Variants in GDF10 observed in about 807,000 individuals in gnomAD.
GDF10 encodes growth/differentiation factor 10.
A neutral mutation model predicts 32.1 loss-of-function variants in GDF10; 23 were observed. The ratio of observed to expected loss-of-function variants is 0.72; its 90% confidence interval spans 0.52 to 1.02. The LOEUF is 1.02. Ranked by LOEUF, GDF10 falls within the 50% of genes least tolerant of loss-of-function variation. The pLI, the probability that GDF10 is intolerant of heterozygous loss-of-function variation, is 0.00. For missense variants in GDF10, 764 were observed against 673.9 expected, an observed-to-expected ratio of 1.13 and a Z score of -1.48; for synonymous variants, 328 against 303.1, an observed-to-expected ratio of 1.08 and a Z score of -0.85.
intron 1 of GDF10, among the ~76,000 whole-genome samples, chr10:47,303,667 C>T (rs555933863): frequency 4.6e-5 from 7 of 152,252 alleles, no homozygotes; most frequent in East Asian, 1.9e-4. Flanking sequence ...AAATCTGCAT[C>T]GGTGGGGAAA....
Position 47,300,894 on chromosome 10 carries a change from G to C in GDF10, c.243G>C (p.Arg81Ser). The C allele has an allele frequency of 2.5e-6, 4 of 1,583,596 alleles. No homozygotes were observed. The highest frequency in any genetic ancestry group is 3.4e-6 in the Non-Finnish European group (4 of 1,173,358). The change falls in exon 1 of 3, where the codon AGG (arginine) becomes AGC (serine). Residue 81 changes from arginine (R) to serine (S), a missense_variant. By Grantham distance (110) the Arg-to-Ser change is moderately radical. Transcript: ENST00000580279. ...ACATGGTCGCTGTCCACATGCACAG[G>C]CTCTATGAGAAGTACAGCCGGCAGG... ...AQDMVAVHMH[R>S]LYEKYSRQGA... is the part of the protein sequence containing the mutation.
intron 1 of GDF10, 107 bp downstream of exon 1, chr10:47,301,077 A>G: frequency 1.4e-6 from 1 of 715,750 alleles, no homozygotes; most frequent in South Asian, 2.2e-5. Flanking sequence ...CCAACGGGTG[A>G]GTGGTTCATT....
intron 1 of GDF10, among the ~76,000 whole-genome samples, chr10:47,307,569 T>G (rs1437607735): frequency 6.6e-6 from 1 of 152,182 alleles, no homozygotes; most frequent in Non-Finnish European, 1.5e-5. Flanking sequence ...TGACCCATCT[T>G]GTCCCCAGCA....
chr10:47,303,104 G>A (rs1367337529), intron 1 of GDF10, among the ~76,000 whole-genome samples: 1 of 152,160 alleles, frequency 6.6e-6, no homozygotes, highest in Non-Finnish European at 1.5e-5. Flanking sequence ...CCTCTTGCCT[G>A]CCCTCAGATG....
rs138867103 is a variant in GDF10, at chr10:47,301,945, CTG to C, written c.319+980_319+981del. Among the ~76,000 whole-genome samples the C allele has an allele frequency of 8.1e-3, 1,230 of 152,286 alleles. 38 individuals are homozygous for C. The East Asian group carries it at 0.095, about 12-fold the overall frequency. ...AGCCTGGGGTCAGATCTGTCACTGGCTGTGTGACTCAAGGTAACATCTGTGGC... is the reference window on the plus strand; with the variant it reads ...AGCCTGGGGTCAGATCTGTCACTGGCTGTGACTCAAGGTAACATCTGTGGC... On this transcript the variant is annotated intron_variant, in intron 1 of 2. Transcript: ENST00000580279.
At chr10:47,306,629 A>G (rs1176441133) in intron 1 of GDF10, among the ~76,000 whole-genome samples, 1 of 152,204 alleles carries the variant, frequency 6.6e-6, no homozygotes, top group African/African-American at 2.4e-5. Flanking sequence ...ATACAGCAGG[A>G]TGTCAGGAAG....
chr10:47,304,191 T>G (rs2061014315), intron 1 of GDF10, among the ~76,000 whole-genome samples: 1 of 152,094 alleles, frequency 6.6e-6, no homozygotes, highest in East Asian at 1.9e-4. Context: ...GCCAGGAGTT[T>G]GGTTTTAATG....
In GDF10 at chr10:47,300,870, C is replaced by T; in HGVS notation, c.219C>T (p.Asp73=). 1.9e-6 allele frequency: 3 copies of T among 1,588,204 alleles called. No individual in the cohort carries two copies. The highest frequency in any genetic ancestry group is 2.6e-6 in the Non-Finnish European group (3 of 1,174,996). ...AAATLGPSAQ[D]MVAVHMHRLY... ...CCACGTTGGGCCCCAGCGCCCAGGA[C>T]ATGGTCGCTGTCCACATGCACAGGC... The change falls in exon 1 of 3, where the codon GAC becomes GAT. Residue 73 remains aspartate, a synonymous_variant. Coordinates refer to ENST00000580279, the MANE Select transcript of GDF10 (RefSeq NM_004962.5).
At chr10:47,302,025 C>G (rs1028715486) in intron 1 of GDF10, among the ~76,000 whole-genome samples, 1 of 152,214 alleles carries the variant, frequency 6.6e-6, no homozygotes, top group Non-Finnish European at 1.5e-5. Flanking sequence ...CCCATGCCCT[C>G]CTCCTCCACT....
intron 1 of GDF10, among the ~76,000 whole-genome samples, chr10:47,308,157 C>T (rs187602798): frequency 1.3e-5 from 2 of 152,314 alleles, no homozygotes; most frequent in Admixed American, 1.3e-4. Context: ...CCGCTACCAC[C>T]GGAGTGAGCT....
Position 47,312,693 on chromosome 10 carries a change from T to C in GDF10, c.1338T>C (p.Asp446=), listed in dbSNP as rs1385305873. 2 of 1,610,456 alleles carry C rather than the reference T, an allele frequency of 1.2e-6. No individual in the cohort carries two copies. Among genetic ancestry groups the C allele is most frequent in the East Asian group, 2.2e-5 (1 of 44,724 alleles). The stretch of plus-strand genomic sequence containing the variant: ...TCCCAGAGCCCTGCTGTGTTCCCGA[T>C]AAGATGAACTCCCTTGGGGTCCTCT... The part of the protein sequence containing the change: ...PGIPEPCCVP[D]KMNSLGVLFL... The change falls in exon 3 of 3, where the codon GAT becomes GAC. Residue 446 remains aspartate (D), a synonymous_variant. Transcript: ENST00000580279.
Position 47,303,335 on chromosome 10 carries a change from A to G in GDF10, c.319+2365A>G, listed in dbSNP as rs182965546. Among the ~76,000 whole-genome samples, 376 of 152,206 alleles carry G rather than the reference A, an allele frequency of 2.5e-3. 1 individual carries two copies. The highest frequency in any genetic ancestry group is 4.8e-3 in the Admixed American group (73 of 15,290). On this transcript the variant is annotated intron_variant, in intron 1 of 2. Transcript: ENST00000580279. ...TCCCCACAGCCTGCGATACGTAACT[A>G]TACCTCCCCCGCCACCGGGCAGTGC... is the stretch of plus-strand genomic sequence containing the variant.
intron 1 of GDF10, among the ~76,000 whole-genome samples, chr10:47,301,468 G>T (rs1555206853): frequency 6.7e-6 from 1 of 149,484 alleles, no homozygotes; most frequent in African/African-American, 2.6e-5. Flanking sequence ...GGCTGCCCGG[G>T]ATTGAGGACT....
At chr10:47,309,674 G>C (rs542642140) in intron 1 of GDF10, 122 bp from the exon 2 acceptor site, 248 of 663,490 alleles carry the variant, frequency 3.7e-4, no homozygotes, top group Non-Finnish European at 4.7e-4. Context: ...GAAGCAAAGC[G>C]GGGGAGGAGG....
At chr10:47,309,135 CTCTTT>C (rs2061033517) in intron 1 of GDF10, among the ~76,000 whole-genome samples, 1 of 152,198 alleles carries the variant, frequency 6.6e-6, no homozygotes, top group Non-Finnish European at 1.5e-5. Context: ...CCTGATGCTG[CTCTTT>C]TCTTGTTAAA....
At chr10:47,307,105 T>C (rs2061025816) in intron 1 of GDF10, among the ~76,000 whole-genome samples, 2 of 152,064 alleles carry the variant, frequency 1.3e-5, no homozygotes, top group Non-Finnish European at 2.9e-5. Flanking sequence ...GTCTCCCCTC[T>C]AGGCTGAACT....
rs139837736 is a variant in GDF10, at chr10:47,300,592, G to T, written c.-60G>T. On this transcript the variant is annotated 5_prime_UTR_variant, in exon 1 of 3. Transcript: ENST00000580279. The stretch of plus-strand genomic sequence containing the variant: ...CCGCGAGGTCAGTCCGCAGCCTCCG[G>T]TGCGCCAGCGCTCGCCTTCCTCCTC... 101 of 1,476,516 alleles carry T rather than the reference G, an allele frequency of 6.8e-5. No individual in the cohort carries two copies. The African/African-American group carries it at 1.3e-3, about 19-fold the overall frequency. The allele number at this position is 1,476,516 out of a possible 1,614,324, so 91.5% of individuals were successfully genotyped here.
chr10:47,310,345 G>T lies in GDF10; in HGVS notation c.869G>T (p.Arg290Leu). 6.2e-7 allele frequency: 1 copy of T among 1,604,774 alleles called. No homozygotes were observed. Among genetic ancestry groups the T allele is most frequent in the East Asian group, 2.2e-5 (1 of 44,536 alleles). The change falls in exon 2 of 3, where the codon CGA becomes CTA. Residue 290 changes from arginine (R) to leucine (L), a missense_variant. Coordinates refer to ENST00000580279, the MANE Select transcript of GDF10 (RefSeq NM_004962.5). ...PNNSADPRVR[R>L]AAQATGPLQD... ...AACTCAGCGGACCCCCGCGTGCGCCGAGCCGCGCAGGCCACTGGGCCCCTC... is the reference window on the plus strand; with the variant it reads ...AACTCAGCGGACCCCCGCGTGCGCCTAGCCGCGCAGGCCACTGGGCCCCTC...
rs1382314250 is a variant in GDF10 at position 47,313,136 on chromosome 10, A to T, written c.*344A>T. The T allele has an allele frequency of 5.5e-6, 1 of 181,568 alleles. No individual in the cohort carries two copies. The highest frequency in any genetic ancestry group is 1.1e-5 in the Non-Finnish European group (1 of 88,030). 11.2% of individuals were successfully genotyped at this position (181,568 alleles called of 1,614,324 possible). A position where few individuals can be genotyped will look rare whatever the true frequency, so the allele number is the denominator to read the frequency against. On this transcript the variant is annotated 3_prime_UTR_variant, in exon 3 of 3. Coordinates refer to ENST00000580279, the MANE Select transcript of GDF10 (RefSeq NM_004962.5). ...TCATAACTGAGCAAGAAGACTATGCAAATCTTAGGGCGCTCGCTCCCTGCA... is the reference window on the plus strand; with the variant it reads ...TCATAACTGAGCAAGAAGACTATGCTAATCTTAGGGCGCTCGCTCCCTGCA...
Sources: gnomAD v4.1 joint callset for allele counts (sites outside exome capture counted in the v4.1 genomes callset) on GRCh38, gnomAD v4.1.1 for gene constraint, MANE v1.5 for transcripts, NCBI Gene and HGNC (gene_info 2026-07-23, HGNC 2026-07-21) for gene names.